The following ASCC3 variants were observed in gnomAD, a reference collection of about 807,000 sequenced individuals.
ASCC3 encodes activating signal cointegrator 1 complex subunit 3.
ASCC3 carries 158 observed loss-of-function variants against 256.3 expected under a neutral mutation model. The observed-to-expected ratio is 0.62, with a 90% CI of 0.54 to 0.70. The LOEUF is 0.70. Among genes scored for constraint, ASCC3 ranks in the 30% least tolerant of loss-of-function variants. The pLI is 0.00. For synonymous variants in ASCC3, 948 were observed against 883.4 expected (o/e 1.07, Z -1.30); for missense variants, 2,259 against 2,626.0 (o/e 0.86, Z 3.05).
At chr6:100,685,210 T>C (rs2114974231) in intron 13 of ASCC3, among the ~76,000 whole-genome samples, 1 of 152,074 alleles carries the variant, frequency 6.6e-6, no homozygotes, top group East Asian at 1.9e-4. Context: ...ACAGAAAAAA[T>C]GTTGCTGAGA....
intron 5 of ASCC3, 59 bp downstream of exon 5, chr6:100,805,701 C>T: frequency 6.4e-7 from 1 of 1,573,386 alleles, no homozygotes; most frequent in Non-Finnish European, 8.7e-7. Context: ...ACATTAAAAA[C>T]ATTTGCTAAC....
intron 36 of ASCC3, among the ~76,000 whole-genome samples, chr6:100,543,434 T>C (rs1300664372): frequency 1.3e-5 from 2 of 152,088 alleles, no homozygotes. Context: ...AATATACATA[T>C]ATAAATACAT....
At chr6:100,747,369 C>T (rs960791170) in intron 10 of ASCC3, among the ~76,000 whole-genome samples, 1 of 152,012 alleles carries the variant, frequency 6.6e-6, no homozygotes, top group African/African-American at 2.4e-5. Context: ...TACTGTATGT[C>T]AGGCAATTCC....
chr6:100,635,044 T>C (rs1774771996), intron 25 of ASCC3, among the ~76,000 whole-genome samples: 1 of 152,074 alleles, frequency 6.6e-6, no homozygotes, highest in African/African-American at 2.4e-5. Flanking sequence ...GCAATCCCAC[T>C]TTTGGGTATA....
intron 4 of ASCC3, among the ~76,000 whole-genome samples, chr6:100,829,136 C>T (rs1771485693): frequency 6.6e-6 from 1 of 152,130 alleles, no homozygotes. Context: ...TTCTCCAAGT[C>T]CCCACCAGAC....
At chr6:100,530,648 T>C (rs563434841) in intron 37 of ASCC3, 4 of 826,014 alleles carry the variant, frequency 4.8e-6, no homozygotes, top group South Asian at 4.0e-5. Context: ...AGTTCATGGA[T>C]GGCATGACAG....
intron 10 of ASCC3, among the ~76,000 whole-genome samples, chr6:100,730,843 C>G (rs999840328): frequency 1.3e-5 from 2 of 152,118 alleles, no homozygotes; most frequent in African/African-American, 4.8e-5. Flanking sequence ...ATGTTCCCTT[C>G]TCTCCCATCA....
intron 37 of ASCC3, among the ~76,000 whole-genome samples, chr6:100,525,820 G>A (rs1233363637): frequency 6.6e-6 from 1 of 152,112 alleles, no homozygotes; most frequent in Non-Finnish European, 1.5e-5. Context: ...CAAGCAAAAA[G>A]TTTATTTAAA....
At chr6:100,699,517 T>G (rs1365569110) in intron 13 of ASCC3, among the ~76,000 whole-genome samples, 2 of 151,828 alleles carry the variant, frequency 1.3e-5, no homozygotes, top group African/African-American at 4.8e-5. Context: ...AATGGACTAA[T>G]ACAGTAAATT....
intron 36 of ASCC3, among the ~76,000 whole-genome samples, chr6:100,556,297 A>AAT (rs1335164428): frequency 2.0e-5 from 3 of 152,234 alleles, no homozygotes; most frequent in Non-Finnish European, 2.9e-5. Flanking sequence ...AAAACAGGCC[A>AAT]ATATATAAGA....
At chr6:100,723,880 ATATATATATATATATATTTATAATT>A (rs1779476056) in intron 11 of ASCC3, among the ~76,000 whole-genome samples, 1 of 134,810 alleles carries the variant, frequency 7.4e-6, no homozygotes, top group South Asian at 2.3e-4. Flanking sequence ...ATATATATAT[ATATATATATATATATATTTATAATT>A]ATATATATGA....
chr6:100,785,405 C>T (rs909916824), intron 8 of ASCC3, among the ~76,000 whole-genome samples: 1 of 151,950 alleles, frequency 6.6e-6, no homozygotes, highest in Non-Finnish European at 1.5e-5. Flanking sequence ...CTCATTTAAT[C>T]GTTTATTAAT....
intron 13 of ASCC3, among the ~76,000 whole-genome samples, chr6:100,714,143 C>G (rs1032379646): frequency 6.6e-6 from 1 of 152,082 alleles, no homozygotes; most frequent in African/African-American, 2.4e-5. Flanking sequence ...TGTCCATAGC[C>G]GCTTTCATGC....
chr6:100,627,896 T>C lies in ASCC3; in HGVS notation c.4467A>G (p.Leu1489=), dbSNP rs139582433. Reference sequence around the variant, plus strand: ...CTCTGGCATTAGCTAATGCAGTAGATAGTCCAACTATTCTAACAGGCTTTT... The same window carrying C: ...CTCTGGCATTAGCTAATGCAGTAGACAGTCCAACTATTCTAACAGGCTTTT... ...HTEKPVRIVG[L]STALANARDL... is the part of the protein sequence containing the mutation. The change falls in exon 28 of 42, where the codon CTA becomes CTG. Residue 1489 remains leucine (L), a synonymous_variant. Transcript: ENST00000369162. The C allele has an allele frequency of 1.2e-6, 2 of 1,613,740 alleles. No individual in the cohort carries two copies. Among genetic ancestry groups the C allele is most frequent in the South Asian group, 2.2e-5 (2 of 91,074 alleles).
At chr6:100,864,032 T>TAAAA in intron 3 of ASCC3, 32 bp downstream of exon 3, 2 of 1,194,394 alleles carry the variant, frequency 1.7e-6, no homozygotes, top group Non-Finnish European at 2.3e-6. Context: ...TGGTTCTCTT[T>TAAAA]AAAAAAAAAA....
intron 36 of ASCC3, among the ~76,000 whole-genome samples, chr6:100,571,399 C>T (rs1401251550): frequency 6.6e-6 from 1 of 152,094 alleles, no homozygotes; most frequent in Non-Finnish European, 1.5e-5. Flanking sequence ...CGTGTTTTCC[C>T]CATATCTCAC....
At chr6:100,843,899 T>C (rs982829802) in intron 4 of ASCC3, among the ~76,000 whole-genome samples, 6 of 151,966 alleles carry the variant, frequency 3.9e-5, no homozygotes, top group African/African-American at 1.5e-4. Context: ...AAAGTTTGAC[T>C]GTGCAACTAT....
At chr6:100,695,127 A>C (rs542641281) in intron 13 of ASCC3, among the ~76,000 whole-genome samples, 19 of 152,188 alleles carry the variant, frequency 1.2e-4, no homozygotes, top group Non-Finnish European at 2.5e-4. Context: ...CTTAATCATG[A>C]AAAAACTTTA....
chr6:100,811,791 T>C (rs1770481806), intron 4 of ASCC3, among the ~76,000 whole-genome samples: 1 of 152,092 alleles, frequency 6.6e-6, no homozygotes, highest in South Asian at 2.1e-4. Context: ...GACTAGGTTG[T>C]ATAGGAGGAG....
Sources: allele counts gnomAD v4.1 joint callset (sites outside exome capture counted in the v4.1 genomes callset), GRCh38; gene constraint gnomAD v4.1.1; transcripts MANE v1.5; gene names NCBI Gene and HGNC (gene_info 2026-07-23, HGNC 2026-07-21).